PRKX: variants seen among roughly 807,000 people sequenced by gnomAD.
The protein encoded by PRKX is protein kinase cAMP-dependent X-linked catalytic subunit.
Under a neutral mutation model 22.0 loss-of-function variants are expected in PRKX, and 12 were observed. The observed-to-expected ratio is 0.54, with a 90% CI of 0.35 to 0.88. The LOEUF (loss-of-function observed/expected upper bound fraction) is 0.88, where lower values mean the gene tolerates loss of function less well. Ranked by LOEUF, PRKX falls within the 40% of genes least tolerant of loss-of-function variation. The pLI, the probability that PRKX is intolerant of heterozygous loss-of-function variation, is 0.01. For synonymous variants in PRKX, 134 were observed against 137.7 expected, an observed-to-expected ratio of 0.97 and a Z score of 0.19; for missense variants, 217 against 308.0, an observed-to-expected ratio of 0.70 and a Z score of 2.21.
chrX:3,663,453 CACACACACACACACAA>C (rs1927650264), intron 2 of PRKX, among the ~76,000 whole-genome samples: 2 of 79,232 alleles, frequency 2.5e-5, no homozygotes, highest in Admixed American at 1.8e-4. Flanking sequence ...CACACACACA[CACACACACACACACAA>C]AAAAATTCAA....
chrX:3,643,882 A>G (rs1303211705), intron 3 of PRKX, among the ~76,000 whole-genome samples: 1 of 110,400 alleles, frequency 9.1e-6, no homozygotes, highest in Admixed American at 9.7e-5. Context: ...CACTGTTTGC[A>G]GTGGTGTGGG....
chrX:3,712,960 A>G, intron 1 of PRKX, 128 bp downstream of exon 1: 11 of 794,479 alleles, frequency 1.4e-5, no homozygotes, highest in Non-Finnish European at 1.7e-5. Context: ...CCGCACGGGG[A>G]CTCCGAGCCG....
At chrX:3,671,725 C>T (rs1280557070) in intron 2 of PRKX, among the ~76,000 whole-genome samples, 12 of 111,483 alleles carry the variant, frequency 1.1e-4, no homozygotes, top group Non-Finnish European at 1.5e-4. Flanking sequence ...CGGTGGCTCA[C>T]ATCTATAATC....
Position 3,607,956 on chromosome X carries a change from C to T in PRKX, c.*1013G>A, listed in dbSNP as rs1926216353. On this transcript the variant is annotated 3_prime_UTR_variant, in exon 9 of 9. Transcript: ENST00000262848. ...AATGCAGTGGTGTGATCTCGGATCA[C>T]TGCGGCCTGGACCTCCCCAGGCTCA... 1 of 100,461 alleles carries T rather than the reference C, an allele frequency of 1.0e-5. No homozygotes were observed. Among genetic ancestry groups the T allele is most frequent in the African/African-American group, 3.7e-5 (1 of 27,076 alleles). The allele number at this position is 100,461 out of a possible 1,213,427, so 8.3% of individuals were successfully genotyped here. A position where few individuals can be genotyped will look rare whatever the true frequency, so the allele number is the denominator to read the frequency against.
chrX:3,701,819 G>A (rs778185073), intron 1 of PRKX, among the ~76,000 whole-genome samples: 1 of 111,792 alleles, frequency 8.9e-6, no homozygotes, highest in Non-Finnish European at 1.9e-5. Flanking sequence ...TGTCCTCACT[G>A]CTACACTCCC....
chrX:3,678,770 G>C (rs1177723974), intron 1 of PRKX, among the ~76,000 whole-genome samples: 2 of 111,773 alleles, frequency 1.8e-5, no homozygotes, highest in Non-Finnish European at 3.8e-5. Flanking sequence ...TTCCCCGCTT[G>C]GTGTTGGAAG....
chrX:3,688,708 A>C (rs143872419), intron 1 of PRKX, among the ~76,000 whole-genome samples: 8 of 109,091 alleles, frequency 7.3e-5, no homozygotes, highest in African/African-American at 2.7e-4. Flanking sequence ...AAAAAAAAAA[A>C]ATTTTTTTTA....
At chrX:3,648,633 T>TGTGTGTGCGC (rs1555894779) in intron 3 of PRKX, among the ~76,000 whole-genome samples, 105 of 105,500 alleles carry the variant, frequency 1.0e-3, no homozygotes, top group African/African-American at 3.5e-3. Context: ...TGTGTGTGTG[T>TGTGTGTGCGC]GTGTGTGTGT....
At chrX:3,634,514 G>A (rs1926848325) in intron 4 of PRKX, among the ~76,000 whole-genome samples, 1 of 110,297 alleles carries the variant, frequency 9.1e-6, no homozygotes, top group Non-Finnish European at 1.9e-5. Flanking sequence ...GGCTGAGATC[G>A]TTTTTCTGAC....
chrX:3,674,278 A>G lies in PRKX; in HGVS notation c.335+320T>C, dbSNP rs776450177. Among the ~76,000 whole-genome samples, 319 of 111,565 alleles carry G rather than the reference A, an allele frequency of 2.9e-3. 1 individual carries two copies. Among genetic ancestry groups the G allele is most frequent in the Middle Eastern group, 0.023 (5 of 217 alleles). ...CCGAGAGCTATAGATGCAGAACCCA[A>G]GGAGGTGAGGAGACAAAGATTTCTG... On this transcript the variant is annotated intron_variant, in intron 2 of 8. Transcript: ENST00000262848.
chrX:3,643,207 C>A (rs554000166), intron 3 of PRKX, among the ~76,000 whole-genome samples: 1 of 100,950 alleles, frequency 9.9e-6, no homozygotes, highest in South Asian at 4.8e-4. Context: ...TTTAAAGGTG[C>A]CTGCTTTGTG....
At chrX:3,692,260 G>C (rs1179625739) in intron 1 of PRKX, among the ~76,000 whole-genome samples, 1 of 110,078 alleles carries the variant, frequency 9.1e-6, no homozygotes, top group Non-Finnish European at 1.9e-5. Flanking sequence ...CAAACCTGCA[G>C]AGTGGCGTCC....
intron 1 of PRKX, among the ~76,000 whole-genome samples, chrX:3,678,492 T>C (rs1256450119): frequency 3.6e-5 from 4 of 112,224 alleles, no homozygotes; most frequent in African/African-American, 9.7e-5. Context: ...ACAGATTTTT[T>C]ACACTTCTGT....
At chrX:3,633,790 G>C (rs1461413109) in intron 4 of PRKX, among the ~76,000 whole-genome samples, 1 of 111,018 alleles carries the variant, frequency 9.0e-6, no homozygotes, top group Non-Finnish European at 1.9e-5. Flanking sequence ...CCAGTTCTGA[G>C]GACCGGGGCT....
chrX:3,631,886 G>A (rs1010479156), intron 4 of PRKX, among the ~76,000 whole-genome samples: 24 of 112,678 alleles, frequency 2.1e-4, no homozygotes, highest in Non-Finnish European at 2.1e-4. Context: ...GACTAAGAGA[G>A]GATAAAGTTC....
At chrX:3,692,556 C>T (rs1212901504) in intron 1 of PRKX, among the ~76,000 whole-genome samples, 1 of 94,827 alleles carries the variant, frequency 1.1e-5, no homozygotes, top group Admixed American at 1.3e-4. Flanking sequence ...GAGACGGAGT[C>T]TCGCTCTGTC....
Position 3,674,786 on chromosome X carries a change from A to G in PRKX, c.167-20T>C, listed in dbSNP as rs182071593. ...CAGTGCCTGGAGAGAGAAGAAATCGACAGAGGTCATTAAGTCTTCCGACAA... is the reference window on the plus strand; with the variant it reads ...CAGTGCCTGGAGAGAGAAGAAATCGGCAGAGGTCATTAAGTCTTCCGACAA... On this transcript the variant is annotated intron_variant, in intron 1 of 8. Transcript: ENST00000262848. 981 of 1,206,538 alleles carry G rather than the reference A, an allele frequency of 8.1e-4. No individual in the cohort carries two copies. The highest frequency in any genetic ancestry group is 9.4e-4 in the Non-Finnish European group (840 of 892,018).
intron 2 of PRKX, among the ~76,000 whole-genome samples, chrX:3,672,651 A>T (rs1927870782): frequency 9.0e-6 from 1 of 110,747 alleles, no homozygotes; most frequent in Admixed American, 9.7e-5. Context: ...GGTGTGTGTG[A>T]GTTCCTCAGG....
At chrX:3,650,520 CAAAAAAAAAA>C (rs748871957) in intron 3 of PRKX, among the ~76,000 whole-genome samples, 1 of 37,854 alleles carries the variant, frequency 2.6e-5, no homozygotes, top group Non-Finnish European at 4.1e-5. Context: ...GACTCCTCTC[CAAAAAAAAAA>C]AAAAAAAAAA....
Sources: allele counts gnomAD v4.1 joint callset (sites outside exome capture counted in the v4.1 genomes callset), GRCh38; gene constraint gnomAD v4.1.1; transcripts MANE v1.5; gene names NCBI Gene and HGNC (gene_info 2026-07-23, HGNC 2026-07-21).